The following TRERF1 variants were observed in gnomAD, a reference collection of about 807,000 sequenced individuals.
The protein encoded by TRERF1 is transcriptional-regulating factor 1.
Under a neutral mutation model 122.9 loss-of-function variants are expected in TRERF1, and 27 were observed. The ratio of observed to expected loss-of-function variants is 0.22; its 90% confidence interval spans 0.16 to 0.30. TRERF1 has a LOEUF of 0.30. TRERF1 is among the 10% of genes least tolerant of loss of function. The pLI, the probability that TRERF1 is intolerant of heterozygous loss-of-function variation, is 1.00. For synonymous variants in TRERF1, 636 were observed against 641.7 expected (o/e 0.99, Z 0.13); for missense variants, 1,248 against 1,560.3 (o/e 0.80, Z 3.37).
At chr6:42,433,724 TA>T (rs1441041288) in intron 2 of TRERF1, among the ~76,000 whole-genome samples, 1 of 151,994 alleles carries the variant, frequency 6.6e-6, no homozygotes, top group African/African-American at 2.4e-5. Flanking sequence ...GCCAGAACTT[TA>T]AAATTACAAG....
At chr6:42,374,759 G>A (rs571760619) in intron 2 of TRERF1, among the ~76,000 whole-genome samples, 25 of 152,162 alleles carry the variant, frequency 1.6e-4, no homozygotes, top group Non-Finnish European at 3.5e-4. Context: ...TGCAATCCCA[G>A]CACTTTGGGA....
chr6:42,231,711 G>C (rs768434888), intron 17 of TRERF1, among the ~76,000 whole-genome samples: 4 of 152,206 alleles, frequency 2.6e-5, no homozygotes, highest in Non-Finnish European at 5.9e-5. Flanking sequence ...TTCTCTACTG[G>C]AGGCTGTGGG....
chr6:42,434,710 A>ACACC lies in TRERF1; in HGVS notation c.-454+16466_-454+16467insGGTG, dbSNP rs1554218671. ...CACACACACACACACACACACACAC[A>ACACC]CCCCTAATAGGAGTTATTCATGTAG... is the stretch of plus-strand genomic sequence containing the variant. On this transcript the variant is annotated intron_variant, in intron 2 of 17. Transcript: ENST00000372922. Among the ~76,000 whole-genome samples, 655 of 147,446 alleles carry ACACC rather than the reference A, an allele frequency of 4.4e-3. 2 individuals are homozygous for ACACC. The highest frequency in any genetic ancestry group is 6.3e-3 in the Non-Finnish European group (422 of 66,476).
At chr6:42,439,685 A>G (rs958518626) in intron 2 of TRERF1, among the ~76,000 whole-genome samples, 1 of 152,220 alleles carries the variant, frequency 6.6e-6, no homozygotes, top group Admixed American at 6.5e-5. Flanking sequence ...AGGACCCGGT[A>G]AGAAGATGAC....
chr6:42,334,060 TATACACATGCAC>T (rs957119059), intron 3 of TRERF1, among the ~76,000 whole-genome samples: 2 of 152,032 alleles, frequency 1.3e-5, no homozygotes, highest in African/African-American at 4.8e-5. Context: ...TATATGTACA[TATACACATGCAC>T]ATACACATGA....
intron 2 of TRERF1, among the ~76,000 whole-genome samples, chr6:42,407,550 A>G (rs953350707): frequency 5.3e-5 from 8 of 152,004 alleles, no homozygotes; most frequent in African/African-American, 1.9e-4. Context: ...TGTCACCATT[A>G]CCTCCTCTCA....
At chr6:42,296,796 G>A (rs61198768) in intron 4 of TRERF1, among the ~76,000 whole-genome samples, 3 of 152,178 alleles carry the variant, frequency 2.0e-5, no homozygotes, top group Non-Finnish European at 2.9e-5. Context: ...AGGAAGCCAA[G>A]GTCTGGATGA....
chr6:42,293,743 A>AC (rs1784658157), intron 4 of TRERF1, among the ~76,000 whole-genome samples: 1 of 88,990 alleles, frequency 1.1e-5, no homozygotes, highest in Non-Finnish European at 2.1e-5. Context: ...TCCTCCACCC[A>AC]CCCCCCACCC....
intron 2 of TRERF1, among the ~76,000 whole-genome samples, chr6:42,388,434 A>C (rs541727276): frequency 1.1e-4 from 16 of 152,150 alleles, no homozygotes; most frequent in Non-Finnish European, 2.2e-4. Context: ...CTGGCCTGGC[A>C]TCAAGTCCGC....
intron 2 of TRERF1, among the ~76,000 whole-genome samples, chr6:42,449,594 C>T (rs931493545): frequency 1.3e-5 from 2 of 152,078 alleles, no homozygotes; most frequent in African/African-American, 4.8e-5. Context: ...TAAATAATTC[C>T]ACCCTGGAAT....
chr6:42,291,391 A>G (rs773404461), intron 4 of TRERF1, among the ~76,000 whole-genome samples: 78 of 151,956 alleles, frequency 5.1e-4, no homozygotes, highest in Non-Finnish European at 9.7e-4. Context: ...GCAAACTTCA[A>G]CGCTCTAGTG....
At chr6:42,250,994 T>TC (rs1334980565) in intron 13 of TRERF1, among the ~76,000 whole-genome samples, 12 of 108,122 alleles carry the variant, frequency 1.1e-4, no homozygotes, top group Non-Finnish European at 9.2e-5. Context: ...TTTTGCTTCT[T>TC]TTTTTTTTTT....
At chr6:42,320,355 G>A (rs972768510) in intron 3 of TRERF1, among the ~76,000 whole-genome samples, 3 of 152,022 alleles carry the variant, frequency 2.0e-5, no homozygotes, top group African/African-American at 4.8e-5. Flanking sequence ...TAGCCTATTG[G>A]CTCTTACATT....
At chr6:42,274,137 A>G (rs1171368189) in intron 4 of TRERF1, among the ~76,000 whole-genome samples, 4 of 152,220 alleles carry the variant, frequency 2.6e-5, no homozygotes. Flanking sequence ...CTGGGAAATA[A>G]CAAATACTAA....
intron 3 of TRERF1, among the ~76,000 whole-genome samples, chr6:42,328,486 C>T (rs1361704058): frequency 1.3e-5 from 2 of 152,152 alleles, no homozygotes; most frequent in Non-Finnish European, 1.5e-5. Context: ...TTCTGCTCCT[C>T]TCCCTCCTCC....
chr6:42,417,330 C>A (rs1781983956), intron 2 of TRERF1, among the ~76,000 whole-genome samples: 1 of 14,034 alleles, frequency 7.1e-5, no homozygotes, highest in Non-Finnish European at 2.4e-4. Flanking sequence ...ACCCCACGGA[C>A]CCCACTCCAC....
chr6:42,364,611 T>C (rs1483441328), intron 2 of TRERF1, among the ~76,000 whole-genome samples: 1 of 152,158 alleles, frequency 6.6e-6, no homozygotes, highest in Admixed American at 6.5e-5. Context: ...CCCAGACAGA[T>C]AAGGACTGAA....
At chr6:42,277,324 C>T (rs1458574273) in intron 4 of TRERF1, among the ~76,000 whole-genome samples, 1 of 152,204 alleles carries the variant, frequency 6.6e-6, no homozygotes, top group African/African-American at 2.4e-5. Flanking sequence ...ACCTCTCCTT[C>T]CTGTGTGGCT....
At chr6:42,337,629 T>C (rs1311458020) in intron 3 of TRERF1, among the ~76,000 whole-genome samples, 1 of 152,062 alleles carries the variant, frequency 6.6e-6, no homozygotes, top group East Asian at 1.9e-4. Context: ...ACAGTGGGCA[T>C]CAAGATGGCT....
Sources: allele counts gnomAD v4.1 joint callset (sites outside exome capture counted in the v4.1 genomes callset), GRCh38; gene constraint gnomAD v4.1.1; transcripts MANE v1.5; gene names NCBI Gene and HGNC (gene_info 2026-07-23, HGNC 2026-07-21).